Variants in TIMM21 observed in about 807,000 individuals in gnomAD.
TIMM21 encodes mitochondrial import inner membrane translocase subunit Tim21.
Under a neutral mutation model 27.7 loss-of-function variants are expected in TIMM21, and 30 were observed. The observed-to-expected ratio is 1.08, with a 90% CI of 0.81 to 1.47. The LOEUF is 1.47. Ranked by LOEUF, TIMM21 falls within the 40% of genes most tolerant of loss-of-function variation. The probability of loss-of-function intolerance (pLI) is 0.00; values close to 1 mark genes in which losing one functional copy is unlikely to be tolerated. For synonymous variants in TIMM21, 121 were observed against 114.4 expected (o/e 1.06, Z -0.37); for missense variants, 292 against 302.9 (o/e 0.96, Z 0.27).
rs1209283701 is a variant in TIMM21 at position 74,152,094 on chromosome 18, G to A, written c.301+2985G>A. Among the ~76,000 whole-genome samples the A allele has an allele frequency of 1.3e-5, 2 of 151,742 alleles. No individual in the cohort carries two copies. The highest frequency in any genetic ancestry group is 2.9e-5 in the Non-Finnish European group (2 of 67,930). The stretch of plus-strand genomic sequence containing the variant: ...AGGCAGAAACCCCCACCCACCCCTC[G>A]CCCAGTTTCCAAGGTGGAGGAAGTG... On this transcript the variant is annotated intron_variant, in intron 1 of 5. Transcript: ENST00000169551. The surrounding 1 kb of genome is among the most constrained non-coding windows in gnomAD (Gnocchi z 4.1).
chr18:74,150,893 G>A (rs946528549), intron 1 of TIMM21, among the ~76,000 whole-genome samples: 1 of 152,194 alleles, frequency 6.6e-6, no homozygotes, highest in African/African-American at 2.4e-5. Flanking sequence ...CTTGGTCACC[G>A]AAAGGGCAGC....
At chr18:74,151,200 C>T (rs890067282) in intron 1 of TIMM21, among the ~76,000 whole-genome samples, 3 of 152,142 alleles carry the variant, frequency 2.0e-5, no homozygotes, top group African/African-American at 7.2e-5. Flanking sequence ...CGGGGGGAGT[C>T]AGTTACATAC....
At chr18:74,149,489 A>G (rs565678923) in intron 1 of TIMM21, among the ~76,000 whole-genome samples, 10 of 152,186 alleles carry the variant, frequency 6.6e-5, no homozygotes, top group African/African-American at 2.2e-4. Flanking sequence ...AACATAAAAT[A>G]GGGAGGATGG....
chr18:74,149,640 G>A (rs777807677), intron 1 of TIMM21, among the ~76,000 whole-genome samples: 1 of 149,386 alleles, frequency 6.7e-6, no homozygotes, highest in Non-Finnish European at 1.5e-5. Context: ...ACACGAAGAT[G>A]ACTATTTTTA....
chr18:74,154,541 A>G (rs1212544735), intron 1 of TIMM21, among the ~76,000 whole-genome samples: 1 of 152,168 alleles, frequency 6.6e-6, no homozygotes, highest in Non-Finnish European at 1.5e-5. Flanking sequence ...GATTACAGGC[A>G]TGAGCCACCG....
Position 74,157,754 on chromosome 18 carries a change from C to T in TIMM21, c.463-260C>T, listed in dbSNP as rs532885778. The T allele has an allele frequency of 4.5e-5, 19 of 424,586 alleles. No individual in the cohort carries two copies. In the Admixed American group the frequency reaches 6.4e-4, roughly 14 times the overall value. 26.3% of individuals were successfully genotyped at this position (424,586 alleles called of 1,614,324 possible). On this transcript the variant is annotated intron_variant, in intron 3 of 5. Transcript: ENST00000169551. ...GGGACTACAGATGCGCATCACCATG[C>T]CCAGCTGATTTTTATATTTTTTAGT... is the stretch of plus-strand genomic sequence containing the variant.
chr18:74,151,427 C>G (rs532904699), intron 1 of TIMM21, among the ~76,000 whole-genome samples: 2 of 152,178 alleles, frequency 1.3e-5, no homozygotes, highest in African/African-American at 4.8e-5. Flanking sequence ...CTGTTGCTTT[C>G]TGTAGGTCAG....
Position 74,158,486 on chromosome 18 carries a change from G to C in TIMM21, c.*6G>C. 1 of 1,222,124 alleles carries C rather than the reference G, an allele frequency of 8.2e-7. No homozygotes were observed. The highest frequency in any genetic ancestry group is 1.1e-6 in the Non-Finnish European group (1 of 915,670). 75.7% of individuals were successfully genotyped at this position (1,222,124 alleles called of 1,614,324 possible). A position where few individuals can be genotyped will look rare whatever the true frequency, so the allele number is the denominator to read the frequency against. On this transcript the variant is annotated 3_prime_UTR_variant, in exon 6 of 6. Coordinates refer to ENST00000169551, the MANE Select transcript of TIMM21 (RefSeq NM_014177.3). ...ATCGATCCCAAGATGATTAAAATAGGGTTTCTGATGGATGTTGAATGGCGT... is the reference window on the plus strand; with the variant it reads ...ATCGATCCCAAGATGATTAAAATAGCGTTTCTGATGGATGTTGAATGGCGT...
At chr18:74,150,737 G>A (rs1234953563) in intron 1 of TIMM21, among the ~76,000 whole-genome samples, 1 of 152,176 alleles carries the variant, frequency 6.6e-6, no homozygotes, top group Non-Finnish European at 1.5e-5. Context: ...GTTAACCACT[G>A]TCATTCTCCA....
rs1256542974 is a variant in TIMM21 at position 74,159,927 on chromosome 18, AC to A, written c.*1450del. On this transcript the variant is annotated 3_prime_UTR_variant, in exon 6 of 6. Transcript: ENST00000169551. ...TCTGAGCTCAGGTGGGGATTTAGCC[AC>A]CCTCCATGGCCCTGTCATTTGACTT... The A allele has an allele frequency of 6.6e-6, 1 of 152,090 alleles. No homozygotes were observed. The highest frequency in any genetic ancestry group is 1.5e-5 in the Non-Finnish European group (1 of 67,992). 9.4% of individuals were successfully genotyped at this position (152,090 alleles called of 1,614,324 possible). A position where few individuals can be genotyped will look rare whatever the true frequency, so the allele number is the denominator to read the frequency against.
chr18:74,156,126 C>A lies in TIMM21; in HGVS notation c.462+723C>A, dbSNP rs115300196. 1.1e-3 allele frequency: 422 copies of A among 396,250 alleles called. 4 individuals carry two copies. The highest frequency in any genetic ancestry group is 7.2e-3 in the African/African-American group (352 of 48,708). 24.5% of individuals were successfully genotyped at this position (396,250 alleles called of 1,614,324 possible). On this transcript the variant is annotated intron_variant, in intron 3 of 5. Coordinates refer to ENST00000169551, the MANE Select transcript of TIMM21 (RefSeq NM_014177.3). ...GGCCTGGGAAGTGTCAGATTTCTTA[C>A]TCCCTGCTGCAGACCTTCAGCACTG...
intron 1 of TIMM21, among the ~76,000 whole-genome samples, chr18:74,151,939 C>CT (rs1052449791): frequency 8.0e-6 from 1 of 125,632 alleles, no homozygotes; most frequent in African/African-American, 3.7e-5. Flanking sequence ...GTCTATGTTC[C>CT]CCCCCCCCCC....
At chr18:74,157,852 C>T (rs537816013) in intron 3 of TIMM21, 162 bp from the exon 4 acceptor site, 69 of 724,202 alleles carry the variant, frequency 9.5e-5, no homozygotes, top group Non-Finnish European at 1.3e-4. Flanking sequence ...ATCTTGGCCT[C>T]CCAGATTGCT....
chr18:74,149,079 G>A lies in TIMM21; in HGVS notation c.271G>A (p.Gly91Arg). 1.2e-6 allele frequency: 2 copies of A among 1,611,122 alleles called. No homozygotes were observed. The highest frequency in any genetic ancestry group is 1.3e-5 in the African/African-American group (1 of 74,978). Reference protein sequence around the residue: ...KQVSVHRSQRGGTAVPTSQKV... With the variant: ...KQVSVHRSQRRGTAVPTSQKV... ...AGTGTCTGTGCACAGGAGTCAGAGA[G>A]GGGGAACCGCCGTCCCAACATCACA... Residue 91 changes from glycine (G) to arginine (R), a missense_variant, in exon 1 of 6, where the codon GGG becomes AGG. Coordinates refer to ENST00000169551, the MANE Select transcript of TIMM21 (RefSeq NM_014177.3).
rs973934847 is a variant in TIMM21 at position 74,159,296 on chromosome 18, AAGG to A, written c.*818_*820del. 2 of 149,866 alleles carry A rather than the reference AAGG, an allele frequency of 1.3e-5. No homozygotes were observed. The highest frequency in any genetic ancestry group is 4.9e-5 in the African/African-American group (2 of 41,228). 9.3% of individuals were successfully genotyped at this position (149,866 alleles called of 1,614,324 possible). ...CCCCTTAAAGAAAAAAAAAAAAAAA[AAGG>A]AAATTCTATTTTATTTGAAATATTT... On this transcript the variant is annotated 3_prime_UTR_variant, in exon 6 of 6. Coordinates refer to ENST00000169551, the MANE Select transcript of TIMM21 (RefSeq NM_014177.3).
chr18:74,158,550 T>C lies in TIMM21; in HGVS notation c.*70T>C. On this transcript the variant is annotated 3_prime_UTR_variant, in exon 6 of 6. Coordinates refer to ENST00000169551, the MANE Select transcript of TIMM21 (RefSeq NM_014177.3). ...CGTTCTTCACAGCTGCCTTCCAGAA[T>C]GTGTTCAAAAGAAAGACAAGAAGGA... is the stretch of plus-strand genomic sequence containing the variant. 1.0e-6 allele frequency: 1 copy of C among 952,602 alleles called. No individual in the cohort carries two copies. Among genetic ancestry groups the C allele is most frequent in the South Asian group, 1.4e-5 (1 of 70,034 alleles). 59.0% of individuals were successfully genotyped at this position (952,602 alleles called of 1,614,324 possible). A position where few individuals can be genotyped will look rare whatever the true frequency, so the allele number is the denominator to read the frequency against.
intron 1 of TIMM21, among the ~76,000 whole-genome samples, chr18:74,149,810 T>C (rs1010405190): frequency 1.2e-4 from 19 of 152,200 alleles, no homozygotes; most frequent in African/African-American, 4.6e-4. Context: ...GTGAAAGGCA[T>C]AGAAGTGGCA....
rs1979853230 is a variant in TIMM21 at position 74,152,998 on chromosome 18, AGC to A, written c.302-2146_302-2145del. ...GGAAGTGCCGTGACCTAAGTGAGGAAGCTCTCTTATGATGGAATGCCCAGAGA... is the reference window on the plus strand; with the variant it reads ...GGAAGTGCCGTGACCTAAGTGAGGAATCTCTTATGATGGAATGCCCAGAGA... On this transcript the variant is annotated intron_variant, in intron 1 of 5. Coordinates refer to ENST00000169551, the MANE Select transcript of TIMM21 (RefSeq NM_014177.3). The surrounding 1 kb of genome is among the most constrained non-coding windows in gnomAD (Gnocchi z 4.1). Among the ~76,000 whole-genome samples the A allele has an allele frequency of 2.0e-5, 3 of 152,210 alleles. No homozygotes were observed. Among genetic ancestry groups the A allele is most frequent in the Non-Finnish European group, 4.4e-5 (3 of 68,026 alleles).
chr18:74,155,472 G>T, intron 3 of TIMM21, 69 bp downstream of exon 3: 1 of 1,317,688 alleles, frequency 7.6e-7, no homozygotes, highest in Non-Finnish European at 1.1e-6. Context: ...GAGGAAGTGG[G>T]CAGAATTCAA....
Sources: allele counts gnomAD v4.1 joint callset (sites outside exome capture counted in the v4.1 genomes callset), GRCh38; gene constraint gnomAD v4.1.1; non-coding constraint Gnocchi (gnomAD v3.1); transcripts MANE v1.5; gene names NCBI Gene and HGNC (gene_info 2026-07-23, HGNC 2026-07-21).